The following TRIM43B variants were observed in gnomAD, a reference collection of about 807,000 sequenced individuals.
The protein encoded by TRIM43B is tripartite motif-containing protein 43B.
In TRIM43B, 15 loss-of-function variants were observed where a neutral mutation model predicts 27.0. The observed-to-expected ratio is 0.55, with a 90% confidence interval of 0.37 to 0.85. TRIM43B has a LOEUF of 0.85. TRIM43B is among the 40% of genes least tolerant of loss of function. The probability of loss-of-function intolerance (pLI) is 0.00; values close to 1 mark genes in which losing one functional copy is unlikely to be tolerated. For missense variants in TRIM43B, 172 were observed against 289.8 expected (o/e 0.59, Z 2.95); for synonymous variants, 69 against 97.8 (o/e 0.71, Z 1.74).
At chr2:95,481,468 T>G (rs1462064424) in intron 3 of TRIM43B, 127 bp downstream of exon 3, 1 of 710,856 alleles carries the variant, frequency 1.4e-6, no homozygotes, top group Non-Finnish European at 2.2e-6. Context: ...GTCTGGTTGT[T>G]TTCCAGCCTA....
intron 2 of TRIM43B, among the ~76,000 whole-genome samples, chr2:95,481,909 C>A (rs1263601412): frequency 6.6e-6 from 1 of 151,884 alleles, no homozygotes; most frequent in Non-Finnish European, 1.5e-5. Context: ...TGTAACCCAG[C>A]TAAATTAGTT....
At chr2:95,484,647 A>C in exon 1 of TRIM43B, 1 of 152,122 alleles carries the variant, frequency 6.6e-6, no homozygotes, top group Non-Finnish European at 1.5e-5. Context: ...TTGCTGTCGA[A>C]TCAGATGGAT....
Position 95,483,696 on chromosome 2 carries a change from A to C in TRIM43B, c.-5+910T>G, listed in dbSNP as rs1273157331. Among the ~76,000 whole-genome samples the C allele has an allele frequency of 3.9e-5, 6 of 151,926 alleles. No individual in the cohort carries two copies. In the South Asian group the frequency reaches 6.3e-4, roughly 16 times the overall value. Reference sequence around the variant, plus strand: ...ACAAAAAATTAGCCGGGAGTGGTGGAGGACGCCTGTAGTCCCAGCTACTCT... The same window carrying C: ...ACAAAAAATTAGCCGGGAGTGGTGGCGGACGCCTGTAGTCCCAGCTACTCT... On this transcript the variant is annotated intron_variant, in intron 1 of 6. Transcript: ENST00000639673.
At chr2:95,481,525 G>C (rs1683522116) in intron 3 of TRIM43B, 70 bp downstream of exon 3, 1 of 1,164,998 alleles carries the variant, frequency 8.6e-7, no homozygotes, top group South Asian at 1.8e-5. Context: ...TTCAACTCAA[G>C]TTGCTAATAT....
chr2:95,481,306 AT>A (rs1279808598), intron 3 of TRIM43B, among the ~76,000 whole-genome samples: 1 of 152,144 alleles, frequency 6.6e-6, no homozygotes, highest in African/African-American at 2.4e-5. Flanking sequence ...ATTATATACT[AT>A]TTAATCAATA....
rs1671669657 is a variant in TRIM43B at position 95,480,165 on chromosome 2, G to C, written c.738+140C>G. ...TTCCATGATTAGCGTAGGAGTTATA[G>C]TTTATCTCTATAACCGGTGGGAATG... is the stretch of plus-strand genomic sequence containing the variant. On this transcript the variant is annotated intron_variant, in intron 4 of 6. Coordinates refer to ENST00000639673, the Ensembl canonical transcript of TRIM43B. The C allele has an allele frequency of 1.6e-5, 21 of 1,278,794 alleles. No individual in the cohort carries two copies. The South Asian group carries it at 3.2e-4, about 19-fold the overall frequency. 79.2% of individuals were successfully genotyped at this position (1,278,794 alleles called of 1,614,324 possible).
intron 1 of TRIM43B, among the ~76,000 whole-genome samples, chr2:95,484,225 A>C (rs1467860679): frequency 6.6e-6 from 1 of 151,978 alleles, no homozygotes; most frequent in Non-Finnish European, 1.5e-5. Flanking sequence ...TACAAAATTT[A>C]GATGGGCGTG....
chr2:95,483,566 C>A (rs1477484057), intron 1 of TRIM43B, among the ~76,000 whole-genome samples: 2 of 151,388 alleles, frequency 1.3e-5, no homozygotes, highest in Non-Finnish European at 1.5e-5. Context: ...CGCCTGTAAT[C>A]CGAGCACTTT....
intron 3 of TRIM43B, among the ~76,000 whole-genome samples, chr2:95,481,236 C>G (rs551685848): frequency 6.6e-6 from 1 of 152,144 alleles, no homozygotes; most frequent in African/African-American, 2.4e-5. Context: ...AATTACTGTT[C>G]CCACCCGATT....
intron 1 of TRIM43B, among the ~76,000 whole-genome samples, 167 bp from the exon 2 acceptor site, chr2:95,482,885 AGAC>A (rs1683560968): frequency 6.6e-6 from 1 of 152,180 alleles, no homozygotes; most frequent in African/African-American, 2.4e-5. Flanking sequence ...AGGCACAAAG[AGAC>A]ATCAATCTCT....
intron 3 of TRIM43B, 33 bp downstream of exon 3, chr2:95,481,562 G>T: frequency 1.3e-6 from 2 of 1,543,564 alleles, no homozygotes; most frequent in South Asian, 1.2e-5. Context: ...CCTGTCTCAA[G>T]CTGGTCAGGA....
chr2:95,484,065 A>AT (rs1198093559), intron 1 of TRIM43B, among the ~76,000 whole-genome samples: 14 of 127,302 alleles, frequency 1.1e-4, no homozygotes, highest in South Asian at 2.4e-4. Flanking sequence ...ACTTATATAA[A>AT]TTTAAAAAAA....
exon 3 of TRIM43B, chr2:95,481,609 C>T (rs776550245): frequency 6.2e-7 from 1 of 1,612,120 alleles, no homozygotes; most frequent in South Asian, 1.1e-5. Context: ...AAGAGGAAGG[C>T]TGTTCTTCTC....
intron 3 of TRIM43B, among the ~76,000 whole-genome samples, chr2:95,481,186 C>T (rs1279295031): frequency 6.6e-6 from 1 of 152,030 alleles, no homozygotes; most frequent in Non-Finnish European, 1.5e-5. Context: ...TCATGTGGGT[C>T]CTTTGCTACC....
chr2:95,480,211 A>C, intron 4 of TRIM43B, 94 bp downstream of exon 4: 1 of 1,495,336 alleles, frequency 6.7e-7, no homozygotes, highest in Non-Finnish European at 8.9e-7. Flanking sequence ...TCAGTGCAGG[A>C]GATGAGGAAA....
exon 2 of TRIM43B, chr2:95,482,333 G>C (rs371134371): frequency 6.2e-7 from 1 of 1,611,560 alleles, no homozygotes; most frequent in African/African-American, 1.3e-5. Context: ...TCTTCGATGG[G>C]ATAGTGTTTG....
At position 95,482,292 on chromosome 2, in the gene TRIM43B, G is replaced by C; in HGVS notation, c.411+12C>G. Reference sequence around the variant, plus strand: ...CCTCCAGCTTTCAGGTGATCACAGAGCTATCTCTTACCCGGTCTTCCTCAG... The same window carrying C: ...CCTCCAGCTTTCAGGTGATCACAGACCTATCTCTTACCCGGTCTTCCTCAG... On this transcript the variant is annotated intron_variant, in intron 2 of 6. Coordinates refer to ENST00000639673, the Ensembl canonical transcript of TRIM43B. The C allele has an allele frequency of 6.2e-7, 1 of 1,611,194 alleles. No homozygotes were observed. Among genetic ancestry groups the C allele is most frequent in the East Asian group, 2.2e-5 (1 of 44,858 alleles).
upstream of TRIM43B, chr2:95,484,754 T>G (rs1223373054): frequency 1.3e-5 from 2 of 151,678 alleles, no homozygotes; most frequent in Non-Finnish European, 2.9e-5. Context: ...TGGAGAAGAA[T>G]GAGCTTGGCT....
Position 95,484,246 on chromosome 2 carries a change from G to C in TRIM43B, c.-5+360C>G, listed in dbSNP as rs1391616489. 1.3e-4 allele frequency among the ~76,000 whole-genome samples: 19 copies of C among 151,524 alleles called. 1 individual carries two copies. The highest frequency in any genetic ancestry group is 6.3e-4 in the South Asian group (3 of 4,752). ...ATTTAGATGGGCGTGGTGGCAGGCG[G>C]CTATATTTCCAGCTACTCTGGAGGC... On this transcript the variant is annotated intron_variant, in intron 1 of 6. Transcript: ENST00000639673.
Sources: gnomAD v4.1 joint callset for allele counts (sites outside exome capture counted in the v4.1 genomes callset) on GRCh38, gnomAD v4.1.1 for gene constraint, MANE v1.5 for transcripts, NCBI Gene and HGNC (gene_info 2026-07-23, HGNC 2026-07-21) for gene names.